The following TMEM117 variants were observed in gnomAD, a reference collection of about 807,000 sequenced individuals.
TMEM117 encodes transmembrane protein 117.
TMEM117 carries 27 observed loss-of-function variants against 52.4 expected under a neutral mutation model. The observed-to-expected ratio is 0.51, with a 90% CI of 0.38 to 0.71. TMEM117 has a LOEUF of 0.71. Among genes scored for constraint, TMEM117 ranks in the 30% least tolerant of loss-of-function variants. TMEM117 has a pLI of 0.00. For synonymous variants in TMEM117, 215 were observed against 206.3 expected (o/e 1.04, Z -0.36); for missense variants, 556 against 630.5 (o/e 0.88, Z 1.26).
intron 5 of TMEM117, among the ~76,000 whole-genome samples, chr12:44,257,629 A>G (rs1008789088): frequency 6.6e-6 from 1 of 152,156 alleles, no homozygotes; most frequent in Admixed American, 6.6e-5. Context: ...TATAGATTTC[A>G]TTGTAAATCA....
intron 3 of TMEM117, among the ~76,000 whole-genome samples, chr12:44,132,453 AC>A (rs1274739942): frequency 6.6e-6 from 1 of 151,992 alleles, no homozygotes; most frequent in East Asian, 1.9e-4. Context: ...AAAGATTTCT[AC>A]TGATCCTCCA....
intron 2 of TMEM117, among the ~76,000 whole-genome samples, chr12:43,926,087 T>C (rs1447562415): frequency 6.6e-6 from 1 of 152,224 alleles, no homozygotes; most frequent in African/African-American, 2.4e-5. Flanking sequence ...AAAAATTCAG[T>C]ATATATCTAA....
chr12:44,265,219 A>G (rs1035483021), intron 5 of TMEM117, among the ~76,000 whole-genome samples: 1 of 152,220 alleles, frequency 6.6e-6, no homozygotes, highest in African/African-American at 2.4e-5. Flanking sequence ...GCTGCACAGC[A>G]GAAAGGAGGC....
intron 2 of TMEM117, among the ~76,000 whole-genome samples, chr12:43,939,945 T>G (rs1205094437): frequency 2.0e-5 from 3 of 152,032 alleles, no homozygotes; most frequent in Non-Finnish European, 4.4e-5. Flanking sequence ...GTAGAGGAAC[T>G]CCCATTAATA....
chr12:44,152,777 A>T (rs946115561), intron 4 of TMEM117, among the ~76,000 whole-genome samples: 18 of 140,578 alleles, frequency 1.3e-4, no homozygotes, highest in African/African-American at 4.1e-4. Context: ...ATAAATATAA[A>T]TATGGTGTCA....
chr12:43,866,582 AC>A (rs1349713009), intron 2 of TMEM117, among the ~76,000 whole-genome samples: 1 of 152,102 alleles, frequency 6.6e-6, no homozygotes, highest in Non-Finnish European at 1.5e-5. Context: ...CTCTTAAAAA[AC>A]AAAAATAAAT....
intron 3 of TMEM117, among the ~76,000 whole-genome samples, chr12:43,988,388 A>G (rs1044760803): frequency 6.6e-6 from 1 of 152,128 alleles, no homozygotes; most frequent in Non-Finnish European, 1.5e-5. Flanking sequence ...GTCCATATAT[A>G]TCACACACAT....
At position 44,103,208 on chromosome 12, in the gene TMEM117, T is replaced by G. The variant is rs74468997; in HGVS notation, c.411-40317T>G. On this transcript the variant is annotated intron_variant, in intron 3 of 7. Transcript: ENST00000266534. ...TAAGGTCTTCTTTCTTCTGCACTTT[T>G]CTCAGCATAACTCCATATCTTTTTT... is the stretch of plus-strand genomic sequence containing the variant. 6.6e-5 allele frequency among the ~76,000 whole-genome samples: 10 copies of G among 151,980 alleles called. No individual in the cohort carries two copies. In the East Asian group the frequency reaches 1.9e-3, roughly 29 times the overall value.
intron 3 of TMEM117, among the ~76,000 whole-genome samples, chr12:43,996,198 C>T (rs1161177460): frequency 6.6e-6 from 1 of 152,044 alleles, no homozygotes; most frequent in Non-Finnish European, 1.5e-5. Flanking sequence ...TCCAAGTAAA[C>T]ACTATTAATG....
chr12:43,855,840 A>G (rs1943390858), intron 2 of TMEM117, among the ~76,000 whole-genome samples: 1 of 152,208 alleles, frequency 6.6e-6, no homozygotes, highest in Non-Finnish European at 1.5e-5. Flanking sequence ...TGAACTGCAC[A>G]TATGATTTTA....
intron 4 of TMEM117, among the ~76,000 whole-genome samples, chr12:44,189,070 T>G (rs1949317919): frequency 6.6e-6 from 1 of 152,158 alleles, no homozygotes; most frequent in Admixed American, 6.6e-5. Context: ...GCTAGGAATA[T>G]TTGAATTATT....
chr12:44,372,188 A>C (rs184022699), intron 6 of TMEM117, among the ~76,000 whole-genome samples: 1 of 152,184 alleles, frequency 6.6e-6, no homozygotes, highest in African/African-American at 2.4e-5. Flanking sequence ...CACTGATAAC[A>C]CTTCTTAAAG....
intron 5 of TMEM117, among the ~76,000 whole-genome samples, chr12:44,279,922 A>G (rs1252193809): frequency 6.6e-6 from 1 of 152,036 alleles, no homozygotes; most frequent in African/African-American, 2.4e-5. Flanking sequence ...GTTTTGGGCC[A>G]CTAGTTTGTT....
chr12:44,239,265 A>G (rs1451927406), intron 5 of TMEM117, among the ~76,000 whole-genome samples: 1 of 152,130 alleles, frequency 6.6e-6, no homozygotes, highest in Non-Finnish European at 1.5e-5. Context: ...ACAGAACAAG[A>G]TCGAACACAG....
intron 3 of TMEM117, among the ~76,000 whole-genome samples, chr12:43,972,086 G>A (rs1945596972): frequency 6.6e-6 from 1 of 152,118 alleles, no homozygotes; most frequent in Non-Finnish European, 1.5e-5. Flanking sequence ...GCATTGTTAG[G>A]GCCTAATAGG....
chr12:44,187,111 A>G (rs1336981515), intron 4 of TMEM117, among the ~76,000 whole-genome samples: 1 of 152,168 alleles, frequency 6.6e-6, no homozygotes, highest in East Asian at 1.9e-4. Flanking sequence ...AGTTTCTTGC[A>G]CAGATGGACT....
intron 4 of TMEM117, among the ~76,000 whole-genome samples, chr12:44,180,819 G>A (rs1163003253): frequency 6.6e-6 from 1 of 152,026 alleles, no homozygotes; most frequent in South Asian, 2.1e-4. Flanking sequence ...ACATATGTGT[G>A]CATGTGTCTT....
chr12:43,843,504 C>G (rs1943149453), intron 1 of TMEM117, among the ~76,000 whole-genome samples: 1 of 152,134 alleles, frequency 6.6e-6, no homozygotes, highest in African/African-American at 2.4e-5. Flanking sequence ...TGGAGGTGGG[C>G]CTGAACATTT....
chr12:44,000,984 T>C (rs1946107695), intron 3 of TMEM117, among the ~76,000 whole-genome samples: 1 of 152,170 alleles, frequency 6.6e-6, no homozygotes, highest in African/African-American at 2.4e-5. Context: ...TGGTGACTGA[T>C]GTGCAAGGGC....
Sources: allele counts gnomAD v4.1 joint callset (sites outside exome capture counted in the v4.1 genomes callset), GRCh38; gene constraint gnomAD v4.1.1; transcripts MANE v1.5; gene names NCBI Gene and HGNC (gene_info 2026-07-23, HGNC 2026-07-21).